The following VSIG10L variants were observed in gnomAD, a reference collection of about 807,000 sequenced individuals.
The protein encoded by VSIG10L is V-set and immunoglobulin domain-containing protein 10-like.
In VSIG10L, 63 loss-of-function variants were observed where a neutral mutation model predicts 67.3. The ratio of observed to expected loss-of-function variants is 0.94; its 90% CI spans 0.76 to 1.15. VSIG10L has a LOEUF of 1.15. Among genes scored for constraint, VSIG10L ranks in the 50% most tolerant of loss-of-function variants. The pLI is 0.00. For missense variants in VSIG10L, 1,050 were observed against 1,177.5 expected, an observed-to-expected ratio of 0.89 and a Z score of 1.58; for synonymous variants, 499 against 524.9, an observed-to-expected ratio of 0.95 and a Z score of 0.67.
chr19:51,338,938 G>A lies in VSIG10L; in HGVS notation c.1679C>T (p.Thr560Ile), dbSNP rs1189775893. ...GGCCACCAGGTGGCGAGCAAGGCAG[G>A]TGATGGGGACGCCGCTGAGCCGGGG... ...AHPRLSGVPI[T>I]CLARHLVATR... The change falls in exon 5 of 10, where the codon ACC becomes ATC. Residue 560 changes from threonine (T) to isoleucine (I), a missense_variant. Physicochemically the swap from Thr to Ile is moderately conservative, Grantham distance 89. Coordinates refer to ENST00000335624, the MANE Select transcript of VSIG10L (RefSeq NM_001163922.3). The A allele has an allele frequency of 3.5e-6, 5 of 1,448,218 alleles. No individual in the cohort carries two copies. The highest frequency in any genetic ancestry group is 1.4e-5 in the South Asian group (1 of 72,320). 89.7% of individuals were successfully genotyped at this position (1,448,218 alleles called of 1,614,324 possible).
chr19:51,341,839 T>G lies in VSIG10L; in HGVS notation c.209A>C (p.Lys70Thr). Residue 70 changes from lysine to threonine, a missense_variant, in exon 2 of 10, where the codon AAA becomes ACA. By Grantham distance (78) the Lys-to-Thr change is moderately conservative. This residue lies in a region of VSIG10L where 511 missense variants were observed against 557.9 expected (regional missense o/e 0.92). Transcript: ENST00000335624. ...GGAATCAGAGATTCCAGCAGAGGCT[T>G]TTGAATCCAGGAACTGATCTGGAAC... is the stretch of plus-strand genomic sequence containing the variant. ...WKVPDQFLDS[K>T]ASAGISDSSW... 1.3e-6 allele frequency: 2 copies of G among 1,551,558 alleles called. No homozygotes were observed. The highest frequency in any genetic ancestry group is 1.7e-6 in the Non-Finnish European group (2 of 1,146,950).
At position 51,341,688 on chromosome 19, in the gene VSIG10L, A is replaced by G. The variant is rs1203569667; in HGVS notation, c.360T>C (p.Pro120=). Residue 120 remains proline (P), a synonymous_variant, in exon 2 of 10, where the codon CCT becomes CCC. Coordinates refer to ENST00000335624, the MANE Select transcript of VSIG10L (RefSeq NM_001163922.3). ...FSETPGSEVF[P]DISDPQVPAK... is the part of the protein sequence containing the mutation. The stretch of plus-strand genomic sequence containing the variant: ...CAGGAACTTGAGGATCCGAAATATC[A>G]GGAAATACTTCAGAACCAGGGGTTT... The G allele has an allele frequency of 6.4e-7, 1 of 1,551,692 alleles. No homozygotes were observed.
chr19:51,338,886 A>C lies in VSIG10L; in HGVS notation c.1729+2T>G, dbSNP rs1599834173. The stretch of plus-strand genomic sequence containing the variant: ...CAGCAAAAAAGCCCCGCGCCCTCTC[A>C]CCCGGCGTGACTGTGCAGGTACGCG... On this transcript the variant is annotated splice_donor_variant, in intron 5 of 9. Transcript: ENST00000335624. LOFTEE classifies it high-confidence loss of function. The C allele has an allele frequency of 7.2e-7, 1 of 1,381,426 alleles. No individual in the cohort carries two copies. The highest frequency in any genetic ancestry group is 9.4e-7 in the Non-Finnish European group (1 of 1,060,136). 85.6% of individuals were successfully genotyped at this position (1,381,426 alleles called of 1,614,324 possible).
rs527680882 is a variant in VSIG10L at position 51,337,466 on chromosome 19, G to A, written c.2077C>T (p.Arg693Cys). ...DAAVLTWDVE[R>C]GALISSFEIQ... ...TCAAAACTGCTGATCAGGGCCCCGCGCTCCACATCCCAAGTCAGCACGGCT... is the reference window on the plus strand; with the variant it reads ...TCAAAACTGCTGATCAGGGCCCCGCACTCCACATCCCAAGTCAGCACGGCT... Residue 693 changes from arginine (R) to cysteine (C), a missense_variant, in exon 7 of 10, where the codon CGC (arginine) becomes TGC (cysteine). Physicochemically the swap from Arg to Cys is radical, Grantham distance 180. Coordinates refer to ENST00000335624, the MANE Select transcript of VSIG10L (RefSeq NM_001163922.3). 25 of 1,551,392 alleles carry A rather than the reference G, an allele frequency of 1.6e-5. No individual in the cohort carries two copies. Among genetic ancestry groups the A allele is most frequent in the African/African-American group, 2.7e-5 (2 of 73,108 alleles).
Position 51,340,637 on chromosome 19 carries a change from G to A in VSIG10L, c.985C>T (p.Pro329Ser). The change falls in exon 3 of 10, where the codon CCA (proline) becomes TCA (serine). Residue 329 changes from proline (P) to serine (S), a missense_variant. Physicochemically the swap from Pro to Ser is moderately conservative, Grantham distance 74. Coordinates refer to ENST00000335624, the MANE Select transcript of VSIG10L (RefSeq NM_001163922.3). The surrounding 1 kb of genome is among the most constrained non-coding windows in gnomAD (Gnocchi z 6.3). The stretch of plus-strand genomic sequence containing the variant: ...CTCCAGCTCAGCTCCCCGCGACCTG[G>A]CCCCCACCCCAGGCAGCGCAGCCGG... Reference protein sequence around the residue: ...ELRLRCLGWGPGRGELSWSRD... With the variant: ...ELRLRCLGWGSGRGELSWSRD... The A allele has an allele frequency of 6.5e-7, 1 of 1,533,730 alleles. No individual in the cohort carries two copies. The highest frequency in any genetic ancestry group is 8.7e-7 in the Non-Finnish European group (1 of 1,145,700).
At position 51,337,945 on chromosome 19, in the gene VSIG10L, G is replaced by T. The variant is rs911775434; in HGVS notation, c.1993C>A (p.Gln665Lys). ...CSGALGAGGD[Q>K]ITLIGPSISS... ...CGTGGCTCACCAATGAGGGTGATCT[G>T]GTCACCGCCAGCACCCAGCGCCCCA... is the stretch of plus-strand genomic sequence containing the variant. The change falls in exon 6 of 10, where the codon CAG (glutamine) becomes AAG (lysine). Residue 665 changes from glutamine (Q) to lysine (K), a missense_variant. Gln to Lys is a moderately conservative substitution (Grantham distance 53). Coordinates refer to ENST00000335624, the MANE Select transcript of VSIG10L (RefSeq NM_001163922.3). 1.2e-5 allele frequency: 19 copies of T among 1,548,176 alleles called. No individual in the cohort carries two copies. Among genetic ancestry groups the T allele is most frequent in the Admixed American group, 2.0e-5 (1 of 50,292 alleles).
intron 7 of VSIG10L, 80 bp downstream of exon 7, chr19:51,337,158 C>T: frequency 1.0e-5 from 15 of 1,436,950 alleles, no homozygotes; most frequent in Non-Finnish European, 1.4e-5. Context: ...TTTGTTAGGG[C>T]AGGCCCCAGG....
At position 51,341,395 on chromosome 19, in the gene VSIG10L, C is replaced by T; in HGVS notation, c.653G>A (p.Gly218Glu). ...CCAGACCACCAGAGAGGTGGGGGGCCCAGGGTTGGGGATTGGGACTAGGGG... is the reference window on the plus strand; with the variant it reads ...CCAGACCACCAGAGAGGTGGGGGGCTCAGGGTTGGGGATTGGGACTAGGGG... Reference protein sequence around the residue: ...RLPLVPIPNPGPPTSLVVWRR... With the variant: ...RLPLVPIPNPEPPTSLVVWRR... The change falls in exon 2 of 10, where the codon GGG becomes GAG. Residue 218 changes from glycine (G) to glutamate (E), a missense_variant. Physicochemically the swap from Gly to Glu is moderately conservative, Grantham distance 98. Coordinates refer to ENST00000335624, the MANE Select transcript of VSIG10L (RefSeq NM_001163922.3). 6.5e-7 allele frequency: 1 copy of T among 1,535,104 alleles called. No homozygotes were observed. The highest frequency in any genetic ancestry group is 1.4e-5 in the African/African-American group (1 of 72,782).
Position 51,339,120 on chromosome 19 carries a change from C to T in VSIG10L, c.1497G>A (p.Gln499=), listed in dbSNP as rs1985560556. ...TVADLPPGAP[Q]CSVEGGPGDR... is the part of the protein sequence containing the mutation. ...CCCCGGGACCCCCTTCAACTGAGCA[C>T]TGTGGGGCCCCGGGGGGCAGGTCTG... Residue 499 remains glutamine (Q), a synonymous_variant, in exon 5 of 10, where the codon CAG becomes CAA. Transcript: ENST00000335624. The T allele has an allele frequency of 2.3e-6, 3 of 1,319,910 alleles. No individual in the cohort carries two copies. The African/African-American group carries it at 4.6e-5, about 20-fold the overall frequency. 81.8% of individuals were successfully genotyped at this position (1,319,910 alleles called of 1,614,324 possible). A position where few individuals can be genotyped will look rare whatever the true frequency, so the allele number is the denominator to read the frequency against.
intron 7 of VSIG10L, among the ~76,000 whole-genome samples, chr19:51,334,721 C>A (rs1985441641): frequency 6.6e-6 from 1 of 152,112 alleles, no homozygotes; most frequent in South Asian, 2.1e-4. Flanking sequence ...GGTGGGCAAC[C>A]ACTTGAGCCC....
rs201414524 is a variant in VSIG10L at position 51,338,237 on chromosome 19, A to C, written c.1730-29T>G. On this transcript the variant is annotated intron_variant, in intron 5 of 9. Transcript: ENST00000335624. ...CCGGTGGGAGAAGTCCAGTTAAGAA[A>C]GTCAAGACCTTACCTTGGATTCAAA... 1,110 of 1,451,922 alleles carry C rather than the reference A, an allele frequency of 7.6e-4. 3 individuals carry two copies. The highest frequency in any genetic ancestry group is 7.2e-4 in the Non-Finnish European group (793 of 1,100,888). The allele number at this position is 1,451,922 out of a possible 1,614,324, so 89.9% of individuals were successfully genotyped here.
rs533430440 is a variant in VSIG10L, at chr19:51,340,995, A to T, written c.895+158T>A. Reference sequence around the variant, plus strand: ...CTCCATCCCAGGTCCACCTTTGCTCAGACACCCCTGCCTTGACCTCTAGCT... The same window carrying T: ...CTCCATCCCAGGTCCACCTTTGCTCTGACACCCCTGCCTTGACCTCTAGCT... On this transcript the variant is annotated intron_variant, in intron 2 of 9. Coordinates refer to ENST00000335624, the MANE Select transcript of VSIG10L (RefSeq NM_001163922.3). The surrounding 1 kb of genome is among the most constrained non-coding windows in gnomAD (Gnocchi z 6.3). The T allele has an allele frequency of 3.4e-6, 4 of 1,172,032 alleles. No homozygotes were observed. In the African/African-American group the frequency reaches 6.3e-5, roughly 18 times the overall value. The allele number at this position is 1,172,032 out of a possible 1,614,324, so 72.6% of individuals were successfully genotyped here. A position where few individuals can be genotyped will look rare whatever the true frequency, so the allele number is the denominator to read the frequency against.
In VSIG10L at chr19:51,337,549, G is replaced by A. The variant is rs924430979; in HGVS notation, c.2009-15C>T. ...TATGGAGGGTCCTAGAGGGATGTGG[G>A]GGTGGCTGGATTCTTGGGTGCCAGA... On this transcript the variant is annotated splice_polypyrimidine_tract_variant and intron_variant, in intron 6 of 9. Transcript: ENST00000335624. 2 of 1,502,390 alleles carry A rather than the reference G, an allele frequency of 1.3e-6. No homozygotes were observed. The highest frequency in any genetic ancestry group is 2.1e-5 in the Admixed American group (1 of 47,768). The allele number at this position is 1,502,390 out of a possible 1,614,324, so 93.1% of individuals were successfully genotyped here. A position where few individuals can be genotyped will look rare whatever the true frequency, so the allele number is the denominator to read the frequency against.
rs1305591712 is a variant in VSIG10L at position 51,340,505 on chromosome 19, G to A, written c.1117C>T (p.His373Tyr). Residue 373 changes from histidine to tyrosine, a missense_variant, in exon 3 of 10, where the codon CAC (histidine) becomes TAC (tyrosine). By Grantham distance (83) the His-to-Tyr change is moderately conservative. Around this residue, in one of 3 missense-constraint regions of VSIG10L, gnomAD observed 511 missense variants for 557.9 expected, o/e 0.92. Coordinates refer to ENST00000335624, the MANE Select transcript of VSIG10L (RefSeq NM_001163922.3). This position sits in a 1 kb window ranked among gnomAD's most constrained non-coding sequence, Gnocchi z 6.3. ...CGGACGCGGCAAGTGTACCGGGCGT[G>A]GTCGCTGCGCACAGGGCGCACGATG... ...LLIVRPVRSD[H>Y]ARYTCRVRSP... 4 of 1,531,056 alleles carry A rather than the reference G, an allele frequency of 2.6e-6. No individual in the cohort carries two copies. Among genetic ancestry groups the A allele is most frequent in the Non-Finnish European group, 3.5e-6 (4 of 1,143,072 alleles). The allele number at this position is 1,531,056 out of a possible 1,614,324, so 94.8% of individuals were successfully genotyped here.
rs1985376815 is a variant in VSIG10L, at chr19:51,332,293, T to A, written c.*318A>T. The stretch of plus-strand genomic sequence containing the variant: ...AGAGAACATGGCCAAGCTCCCTCTC[T>A]AGCTCAGAGCAACACAGCAAGCCCT... On this transcript the variant is annotated 3_prime_UTR_variant, in exon 10 of 10. Coordinates refer to ENST00000335624, the MANE Select transcript of VSIG10L (RefSeq NM_001163922.3). 2.2e-6 allele frequency: 1 copy of A among 449,876 alleles called. No homozygotes were observed. The highest frequency in any genetic ancestry group is 4.1e-6 in the Non-Finnish European group (1 of 241,408). 27.9% of individuals were successfully genotyped at this position (449,876 alleles called of 1,614,324 possible). A position where few individuals can be genotyped will look rare whatever the true frequency, so the allele number is the denominator to read the frequency against.
At chr19:51,337,213 G>T in intron 7 of VSIG10L, 25 bp downstream of exon 7, 1 of 1,530,232 alleles carries the variant, frequency 6.5e-7, no homozygotes, top group Non-Finnish European at 8.8e-7. Context: ...AACAGAGAAG[G>T]TCTACTCTGA....
At chr19:51,339,969 C>G (rs1383637949) in intron 4 of VSIG10L, 46 bp downstream of exon 4, 1 of 1,328,384 alleles carries the variant, frequency 7.5e-7, no homozygotes, top group Non-Finnish European at 9.6e-7. Flanking sequence ...CGTTCTGGCC[C>G]CGCCCCTCTC....
In VSIG10L at chr19:51,341,435, T is replaced by A. The variant is rs2123559988; in HGVS notation, c.613A>T (p.Thr205Ser). ...GGGACTAGGGGGAGCCGGATGGTGG[T>A]CCCCACCAGCACAGCGAGTGGGCCC... Reference protein sequence around the residue: ...VGGPLAVLVGTTIRLPLVPIP... With the variant: ...VGGPLAVLVGSTIRLPLVPIP... The change falls in exon 2 of 10, where the codon ACC becomes TCC. Residue 205 changes from threonine (T) to serine (S), a missense_variant. By Grantham distance (58) the Thr-to-Ser change is moderately conservative. This residue lies in a region of VSIG10L where 511 missense variants were observed against 557.9 expected (regional missense o/e 0.92). Transcript: ENST00000335624. 1 of 1,535,412 alleles carries A rather than the reference T, an allele frequency of 6.5e-7. No homozygotes were observed. Among genetic ancestry groups the A allele is most frequent in the East Asian group, 2.5e-5 (1 of 40,782 alleles).
rs76256168 is a variant in VSIG10L, at chr19:51,332,589, C to T, written c.*22G>A. 3,245 of 1,551,328 alleles carry T rather than the reference C, an allele frequency of 2.1e-3. 44 individuals carry two copies. In the African/African-American group the frequency reaches 0.039, roughly 19 times the overall value. ...CTCTGATCACACCTGTGTGGCTGCG[C>T]GAACAGTCTTTGAGCCTCCGCCTAC... On this transcript the variant is annotated 3_prime_UTR_variant, in exon 10 of 10. Transcript: ENST00000335624.
Sources: allele counts gnomAD v4.1 joint callset (sites outside exome capture counted in the v4.1 genomes callset), GRCh38; gene constraint gnomAD v4.1.1; regional missense constraint gnomAD v4.1.1; non-coding constraint Gnocchi (gnomAD v3.1); transcripts MANE v1.5; gene names NCBI Gene and HGNC (gene_info 2026-07-23, HGNC 2026-07-21).